CTNNA2: variants seen among roughly 807,000 people sequenced by gnomAD.
CTNNA2 encodes the protein catenin alpha 2.
CTNNA2 carries 42 observed loss-of-function variants against 101.0 expected under a neutral mutation model. The observed-to-expected ratio is 0.42, with a 90% CI of 0.32 to 0.54. The LOEUF (loss-of-function observed/expected upper bound fraction) is 0.54. Among genes scored for constraint, CTNNA2 ranks in the 20% least tolerant of loss-of-function variants. The pLI is 0.14. For synonymous variants in CTNNA2, 450 were observed against 456.4 expected (o/e 0.99, Z 0.18); for missense variants, 871 against 1,223.1 (o/e 0.71, Z 4.29).
rs545083998 is a variant in CTNNA2 at position 79,980,466 on chromosome 2, A to C, written c.1056+70669A>C. ...CCAAAGCCCTCTAATTGCAAAAATT[A>C]GGCTCTTAGTGATGCATTTCCTCTG... is the stretch of plus-strand genomic sequence containing the variant. On this transcript the variant is annotated intron_variant, in intron 7 of 18. Coordinates refer to ENST00000402739, the MANE Select transcript of CTNNA2 (RefSeq NM_001282597.3). Among the ~76,000 whole-genome samples, 5 of 152,286 alleles carry C rather than the reference A, an allele frequency of 3.3e-5. No homozygotes were observed. In the South Asian group the frequency reaches 1.0e-3, roughly 32 times the overall value.
intron 7 of CTNNA2, among the ~76,000 whole-genome samples, chr2:80,129,741 A>ATAAATCAC (rs1290533811): frequency 6.6e-6 from 1 of 152,178 alleles, no homozygotes; most frequent in East Asian, 1.9e-4. Flanking sequence ...AACTCACAGC[A>ATAAATCAC]TAAATCACTT....
At chr2:79,397,099 C>G (rs1678241347) in intron 4 of CTNNA2, among the ~76,000 whole-genome samples, 1 of 151,990 alleles carries the variant, frequency 6.6e-6, no homozygotes, top group Non-Finnish European at 1.5e-5. Context: ...TATTGATATA[C>G]TAGAGTTGTT....
At chr2:80,108,658 ACAAT>A (rs893904326) in intron 7 of CTNNA2, among the ~76,000 whole-genome samples, 2 of 152,196 alleles carry the variant, frequency 1.3e-5, no homozygotes, top group African/African-American at 4.8e-5. Flanking sequence ...AGTAGGCTGC[ACAAT>A]CAATGTTGTC....
At chr2:80,490,895 C>A (rs1357688069) in intron 9 of CTNNA2, among the ~76,000 whole-genome samples, 1 of 152,096 alleles carries the variant, frequency 6.6e-6, no homozygotes, top group African/African-American at 2.4e-5. Flanking sequence ...CAGATGCCAT[C>A]TTTTCGTATG....
At chr2:79,477,259 C>T (rs1671060484) in intron 4 of CTNNA2, among the ~76,000 whole-genome samples, 1 of 150,424 alleles carries the variant, frequency 6.6e-6, no homozygotes, top group South Asian at 2.1e-4. Context: ...CAACTTCTGC[C>T]TCCAAGGTTC....
chr2:79,450,151 C>A (rs1678874710), intron 4 of CTNNA2, among the ~76,000 whole-genome samples: 1 of 151,704 alleles, frequency 6.6e-6, no homozygotes, highest in African/African-American at 2.4e-5. Context: ...CTAGAAAGAT[C>A]ATGAGAACAT....
chr2:80,304,907 C>CAAAAAAAA (rs56174873), intron 7 of CTNNA2, among the ~76,000 whole-genome samples: 1 of 73,844 alleles, frequency 1.4e-5, no homozygotes, highest in East Asian at 4.0e-4. Flanking sequence ...GTCCATATTT[C>CAAAAAAAA]AAAAAAAAAA....
intron 9 of CTNNA2, among the ~76,000 whole-genome samples, chr2:80,473,926 T>C (rs185114689): frequency 5.3e-4 from 81 of 152,298 alleles, no homozygotes; most frequent in Middle Eastern, 6.8e-3. Flanking sequence ...TCAGAGTTTA[T>C]GTATAAACAT....
At chr2:80,175,692 T>C (rs1284132753) in intron 7 of CTNNA2, among the ~76,000 whole-genome samples, 2 of 152,094 alleles carry the variant, frequency 1.3e-5, no homozygotes, top group Non-Finnish European at 2.9e-5. Flanking sequence ...GATCACAAGG[T>C]GAAGTCCCAC....
At chr2:80,307,222 G>T (rs1304696265) in intron 7 of CTNNA2, among the ~76,000 whole-genome samples, 1 of 151,836 alleles carries the variant, frequency 6.6e-6, no homozygotes, top group Non-Finnish European at 1.5e-5. Context: ...TTAACAGATT[G>T]AAATGAGCTT....
At chr2:80,055,800 G>C (rs935913967) in intron 7 of CTNNA2, among the ~76,000 whole-genome samples, 6 of 152,102 alleles carry the variant, frequency 3.9e-5, no homozygotes, top group Non-Finnish European at 8.8e-5. Flanking sequence ...GATCATATAA[G>C]TGTTCTGGCA....
intron 2 of CTNNA2, among the ~76,000 whole-genome samples, chr2:79,688,470 ATATC>A (rs1473197244): frequency 7.9e-5 from 12 of 151,992 alleles, no homozygotes; most frequent in Admixed American, 5.2e-4. Context: ...AAAAATATAT[ATATC>A]TATATGTGTA....
At chr2:79,803,075 C>A (rs1459812501) in intron 3 of CTNNA2, among the ~76,000 whole-genome samples, 2 of 152,132 alleles carry the variant, frequency 1.3e-5, no homozygotes, top group Non-Finnish European at 2.9e-5. Context: ...TTGCACTAGC[C>A]TTTCATGACA....
At chr2:79,649,514 A>G (rs1335445046) in intron 1 of CTNNA2, among the ~76,000 whole-genome samples, 2 of 152,148 alleles carry the variant, frequency 1.3e-5, no homozygotes, top group African/African-American at 4.8e-5. Context: ...TTCAGTAGGG[A>G]TGAAGGTATC....
At chr2:79,469,241 C>T (rs544760575) in intron 4 of CTNNA2, among the ~76,000 whole-genome samples, 5 of 152,262 alleles carry the variant, frequency 3.3e-5, no homozygotes, top group Admixed American at 2.0e-4. Flanking sequence ...TCAGAGAATA[C>T]TATAAACACC....
chr2:79,530,470 G>A (rs1159152286), intron 1 of CTNNA2, among the ~76,000 whole-genome samples: 1 of 151,310 alleles, frequency 6.6e-6, no homozygotes, highest in Non-Finnish European at 1.5e-5. Context: ...GAGTGGAGAA[G>A]GGGAAGGCAG....
chr2:80,623,029 G>C (rs1441905314), intron 18 of CTNNA2, among the ~76,000 whole-genome samples: 2 of 134,644 alleles, frequency 1.5e-5, no homozygotes, highest in Non-Finnish European at 3.1e-5. Context: ...AACAAAGCAA[G>C]ACTACTAGCG....
At chr2:80,336,254 G>A (rs1043535919) in intron 7 of CTNNA2, among the ~76,000 whole-genome samples, 2 of 152,070 alleles carry the variant, frequency 1.3e-5, no homozygotes, top group Admixed American at 6.6e-5. Context: ...GGTGAAGGGG[G>A]CAAAGCAGCT....
rs781414965 is a variant in CTNNA2 at position 79,187,270 on chromosome 2, C to CTTTTTTTTTTTTTTTTTTTTTTTTTT, written c.-524+1856_-524+1857insTTTTTTTTTTTTTTTTTTTTTTTTTT. Among the ~76,000 whole-genome samples the CTTTTTTTTTTTTTTTTTTTTTTTTTT allele has an allele frequency of 3.4e-4, 22 of 65,438 alleles. 1 individual carries two copies. Among genetic ancestry groups the CTTTTTTTTTTTTTTTTTTTTTTTTTT allele is most frequent in the Non-Finnish European group, 4.5e-4 (16 of 35,634 alleles). The allele number at this position is 65,438 out of a possible 152,430, so 42.9% of individuals were successfully genotyped here. A position where few individuals can be genotyped will look rare whatever the true frequency, so the allele number is the denominator to read the frequency against. ...CTTTTCTTTTCTTTTCTTTTCTTTTCTTTTTTTTTTTTTTTTTGAGACAGA... is the reference window on the plus strand; with the variant it reads ...CTTTTCTTTTCTTTTCTTTTCTTTTCTTTTTTTTTTTTTTTTTTTTTTTTTTTTTTTTTTTTTTTTTTTGAGACAGA... On this transcript the variant is annotated intron_variant, in intron 1 of 21. Coordinates refer to the CTNNA2 transcript ENST00000466387.
Sources: gnomAD v4.1 joint callset for allele counts (sites outside exome capture counted in the v4.1 genomes callset) on GRCh38, gnomAD v4.1.1 for gene constraint, MANE v1.5 for transcripts, NCBI Gene and HGNC (gene_info 2026-07-23, HGNC 2026-07-21) for gene names.